TLE1: variants seen among roughly 807,000 people sequenced by gnomAD.
TLE1 encodes the protein TLE family member 1, transcriptional corepressor.
Under a neutral mutation model 89.8 loss-of-function variants are expected in TLE1, and 21 were observed. The ratio of observed to expected loss-of-function variants is 0.23; its 90% confidence interval spans 0.17 to 0.34. The LOEUF is 0.34. Ranked by LOEUF, TLE1 falls within the 10% of genes least tolerant of loss-of-function variation. The pLI is 1.00. For missense variants in TLE1, 795 were observed against 1,031.2 expected (o/e 0.77, Z 3.14); for synonymous variants, 447 against 407.6 (o/e 1.10, Z -1.16).
intron 8 of TLE1, among the ~76,000 whole-genome samples, chr9:81,623,835 G>A (rs1825590694): frequency 6.6e-6 from 1 of 151,904 alleles, no homozygotes. Context: ...AATAAAAATG[G>A]TCATGCTTTC....
intron 4 of TLE1, among the ~76,000 whole-genome samples, chr9:81,658,567 A>G (rs1339386240): frequency 6.6e-6 from 1 of 152,098 alleles, no homozygotes; most frequent in Non-Finnish European, 1.5e-5. Context: ...ATCTAAATCC[A>G]AGTCTTGGAC....
At chr9:81,669,181 A>G (rs768040777) in intron 4 of TLE1, among the ~76,000 whole-genome samples, 1 of 152,234 alleles carries the variant, frequency 6.6e-6, no homozygotes, top group Admixed American at 6.5e-5. Context: ...ATAAAGGTCA[A>G]TGTTGCACTT....
chr9:81,601,783 A>T (rs113880365), intron 14 of TLE1, among the ~76,000 whole-genome samples: 49 of 152,316 alleles, frequency 3.2e-4, no homozygotes, highest in African/African-American at 1.1e-3. Context: ...TTATAAACCA[A>T]CACTACTTAA....
Position 81,687,402 on chromosome 9 carries a change from C to T in TLE1, c.57G>A (p.Lys19=). Residue 19 remains lysine, a synonymous_variant, in exon 2 of 20, where the codon AAG becomes AAA. Coordinates refer to ENST00000376499, the MANE Select transcript of TLE1 (RefSeq NM_005077.5). ...TPHQAAGQPF[K]FTIPESLDRI... is the part of the protein sequence containing the mutation. ...GGTCCAGGGACTCCGGGATAGTGAA[C>T]TTGAAGGGCTGGCCTGCAGCCTGGT... is the stretch of plus-strand genomic sequence containing the variant. 12 of 1,611,470 alleles carry T rather than the reference C, an allele frequency of 7.4e-6. No homozygotes were observed. Among genetic ancestry groups the T allele is most frequent in the Middle Eastern group, 3.6e-4 (2 of 5,586 alleles).
At chr9:81,593,340 G>A (rs1054529387) in intron 14 of TLE1, 66 bp from the exon 15 acceptor site, 14 of 1,516,422 alleles carry the variant, frequency 9.2e-6, no homozygotes, top group African/African-American at 1.4e-5. Flanking sequence ...CCCTATCTCG[G>A]CAATGTGCTA....
At chr9:81,675,204 T>C (rs1832724801) in intron 4 of TLE1, among the ~76,000 whole-genome samples, 4 of 152,180 alleles carry the variant, frequency 2.6e-5, no homozygotes. Context: ...TGTTAATTTA[T>C]AGACTCCAGG....
chr9:81,612,683 C>G (rs1454235622), intron 12 of TLE1, among the ~76,000 whole-genome samples: 1 of 152,170 alleles, frequency 6.6e-6, no homozygotes, highest in Non-Finnish European at 1.5e-5. Context: ...GTCAGACGCA[C>G]AATGCTAGTT....
rs892221126 is a variant in TLE1 at position 81,613,656 on chromosome 9, T to C, written c.919-135A>G. On this transcript the variant is annotated intron_variant, in intron 11 of 19. Coordinates refer to ENST00000376499, the MANE Select transcript of TLE1 (RefSeq NM_005077.5). Reference sequence around the variant, plus strand: ...CCAATTTTCATAAATCCACACAATGTTGACAGCATTAACTTGTGAGCGAGA... The same window carrying C: ...CCAATTTTCATAAATCCACACAATGCTGACAGCATTAACTTGTGAGCGAGA... The C allele has an allele frequency of 1.5e-5, 15 of 993,484 alleles. No homozygotes were observed. In the South Asian group the frequency reaches 2.1e-4, roughly 14 times the overall value. 61.5% of individuals were successfully genotyped at this position (993,484 alleles called of 1,614,324 possible).
intron 4 of TLE1, among the ~76,000 whole-genome samples, chr9:81,676,999 G>A (rs1444776125): frequency 6.6e-6 from 1 of 152,178 alleles, no homozygotes; most frequent in Non-Finnish European, 1.5e-5. Context: ...CACTTTGGGA[G>A]GCCAAAATGG....
rs560998726 is a variant in TLE1, at chr9:81,586,017, C to CTT, written c.1978-364_1978-363dup. Among the ~76,000 whole-genome samples the CTT allele has an allele frequency of 8.4e-3, 1,085 of 128,912 alleles. 25 individuals are homozygous for CTT. Among genetic ancestry groups the CTT allele is most frequent in the African/African-American group, 0.025 (849 of 34,328 alleles). The allele number at this position is 128,912 out of a possible 152,430, so 84.6% of individuals were successfully genotyped here. A position where few individuals can be genotyped will look rare whatever the true frequency, so the allele number is the denominator to read the frequency against. On this transcript the variant is annotated intron_variant, in intron 17 of 19. Transcript: ENST00000376499. ...TTCTGAGAAATGTGTCGTTAGGTGA[C>CTT]TTTTTTTTTTTTTTTTTTGAGACGG...
chr9:81,674,216 T>C (rs1052341867), intron 4 of TLE1, among the ~76,000 whole-genome samples: 11 of 152,240 alleles, frequency 7.2e-5, no homozygotes, highest in African/African-American at 2.7e-4. Context: ...AAGTCACTTG[T>C]GTTCTGTAAT....
intron 16 of TLE1, among the ~76,000 whole-genome samples, chr9:81,588,252 A>G (rs1175455780): frequency 6.6e-6 from 1 of 152,216 alleles, no homozygotes; most frequent in Non-Finnish European, 1.5e-5. Context: ...TGCAGGCCTG[A>G]GTCCGTGAGA....
intron 1 of TLE1, 94 bp downstream of exon 1, chr9:81,688,123 C>A (rs1016421084): frequency 6.6e-7 from 1 of 1,509,972 alleles, no homozygotes; most frequent in Admixed American, 1.8e-5. Flanking sequence ...CGAGAAGGTC[C>A]GCCGGGCCTC....
chr9:81,592,884 AG>A, intron 15 of TLE1, 140 bp downstream of exon 15: 1 of 1,201,480 alleles, frequency 8.3e-7, no homozygotes. Context: ...TGGGGAGCCG[AG>A]GGGGTTAAAT....
At chr9:81,650,256 G>A (rs892273599) in intron 6 of TLE1, among the ~76,000 whole-genome samples, 1 of 152,192 alleles carries the variant, frequency 6.6e-6, no homozygotes, top group East Asian at 1.9e-4. Flanking sequence ...TGGTTAATGC[G>A]ATTTCCTCCT....
At chr9:81,626,003 A>G (rs1197578483) in intron 8 of TLE1, among the ~76,000 whole-genome samples, 2 of 151,976 alleles carry the variant, frequency 1.3e-5, no homozygotes, top group African/African-American at 4.8e-5. Flanking sequence ...ATGAATCCTA[A>G]GACCTCCAAG....
intron 6 of TLE1, among the ~76,000 whole-genome samples, chr9:81,636,858 CCAGGTG>C (rs1207990537): frequency 2.0e-5 from 3 of 151,912 alleles, no homozygotes; most frequent in African/African-American, 7.2e-5. Context: ...CAACAATAAG[CCAGGTG>C]TGGTGGCGGA....
intron 8 of TLE1, among the ~76,000 whole-genome samples, chr9:81,623,761 G>A (rs1297973816): frequency 6.6e-6 from 1 of 152,054 alleles, no homozygotes; most frequent in Non-Finnish European, 1.5e-5. Flanking sequence ...CTGCACTCCA[G>A]CCTGGGTGAC....
intron 6 of TLE1, among the ~76,000 whole-genome samples, chr9:81,650,311 G>A (rs754839869): frequency 1.3e-5 from 2 of 152,206 alleles, no homozygotes; most frequent in Non-Finnish European, 2.9e-5. Flanking sequence ...GCTGGGCGGT[G>A]CCTTTGAGAA....
Sources: allele counts gnomAD v4.1 joint callset (sites outside exome capture counted in the v4.1 genomes callset), GRCh38; gene constraint gnomAD v4.1.1; transcripts MANE v1.5; gene names NCBI Gene and HGNC (gene_info 2026-07-23, HGNC 2026-07-21).